FAS: variants seen among roughly 807,000 people sequenced by gnomAD.
FAS encodes the protein Fas cell surface death receptor.
A neutral mutation model predicts 33.2 loss-of-function variants in FAS; 5 were observed. That is an observed-to-expected ratio of 0.15 (90% CI 0.08 to 0.32). FAS has a LOEUF of 0.32. Among genes scored for constraint, FAS ranks in the 10% least tolerant of loss-of-function variants. FAS has a pLI of 1.00. For missense variants in FAS, 339 were observed against 386.0 expected (o/e 0.88, Z 1.02); for synonymous variants, 131 against 130.7 (o/e 1.00, Z -0.01).
rs371419220 is a variant in FAS at position 88,973,265 on chromosome 10, C to T, written n.178C>T. 1.0e-4 allele frequency: 163 copies of T among 1,612,446 alleles called. 1 individual carries two copies. The African/African-American group carries it at 2.0e-3, about 19-fold the overall frequency. On this transcript the variant is annotated non_coding_transcript_exon_variant, in exon 2 of 4. Transcript: ENST00000688239. ...AAATTGGCTATGGACCAAATGGATTCCCACTCTTGGGGATCTCTAGGTCAT... is the reference window on the plus strand; with the variant it reads ...AAATTGGCTATGGACCAAATGGATTTCCACTCTTGGGGATCTCTAGGTCAT...
chr10:88,980,365 G>A lies in FAS; in HGVS notation n.260+7018G>A, dbSNP rs141455874. Among the ~76,000 whole-genome samples the A allele has an allele frequency of 5.0e-3, 767 of 152,306 alleles. 6 individuals are homozygous for A. Among genetic ancestry groups the A allele is most frequent in the African/African-American group, 0.017 (727 of 41,560 alleles). On this transcript the variant is annotated intron_variant and non_coding_transcript_variant, in intron 2 of 3. Transcript: ENST00000688239. ...AGAGCACATTAGCAAGCATCAGGAC[G>A]CTGAACATAACCACAGTGGAGGTGA...
At chr10:89,004,986 GAC>G (rs1415134943) in intron 2 of FAS, among the ~76,000 whole-genome samples, 2 of 152,246 alleles carry the variant, frequency 1.3e-5, no homozygotes, top group African/African-American at 4.8e-5. Flanking sequence ...ACAGAGAAAA[GAC>G]AGATTTTATT....
intron 1 of FAS, among the ~76,000 whole-genome samples, chr10:88,966,565 A>C (rs1346326131): frequency 1.3e-5 from 2 of 152,218 alleles, no homozygotes; most frequent in African/African-American, 4.8e-5. Flanking sequence ...CTGTGAGGTA[A>C]TAAGCAGAAG....
intron 2 of FAS, chr10:88,974,573 A>G (rs1441355915): frequency 2.0e-5 from 3 of 152,130 alleles, no homozygotes; most frequent in African/African-American, 7.2e-5. Context: ...GCTGATCTTG[A>G]ACTCCTGGCC....
chr10:88,977,034 T>C (rs1037144070), intron 2 of FAS, among the ~76,000 whole-genome samples: 1 of 152,198 alleles, frequency 6.6e-6, no homozygotes, highest in Non-Finnish European at 1.5e-5. Flanking sequence ...TTTTCTGCTA[T>C]TTTGACATCT....
Position 89,015,046 on chromosome 10 carries a change from A to G in FAS, c.*596A>G, listed in dbSNP as rs1303093483. 1.9e-6 allele frequency: 1 copy of G among 534,254 alleles called. No individual in the cohort carries two copies. The highest frequency in any genetic ancestry group is 3.6e-6 in the Non-Finnish European group (1 of 276,284). 33.1% of individuals were successfully genotyped at this position (534,254 alleles called of 1,614,324 possible). On this transcript the variant is annotated 3_prime_UTR_variant, in exon 9 of 9. Transcript: ENST00000652046. The stretch of plus-strand genomic sequence containing the variant: ...GCACAGTTTATTGGTGTCATATTAT[A>G]CAATATTTCAATTGTGAATTCACAT...
upstream of FAS, among the ~76,000 whole-genome samples, chr10:88,988,740 T>C (rs1564667219): frequency 6.6e-6 from 1 of 152,216 alleles, no homozygotes; most frequent in Non-Finnish European, 1.5e-5. Flanking sequence ...TCATTAGGTG[T>C]TCATTCAATA....
At chr10:88,982,529 T>G (rs140778674), upstream of FAS, among the ~76,000 whole-genome samples, 5 of 152,048 alleles carry the variant, frequency 3.3e-5, no homozygotes, top group African/African-American at 7.2e-5. Flanking sequence ...AAGGCAGAGA[T>G]TCACTGAGGG....
At position 88,990,819 on chromosome 10, in the gene FAS, G is replaced by C; in HGVS notation, c.-58G>C. On this transcript the variant is annotated 5_prime_UTR_variant, in exon 1 of 9. Coordinates refer to ENST00000652046, the MANE Select transcript of FAS (RefSeq NM_000043.6). The surrounding 1 kb of genome is among the most constrained non-coding windows in gnomAD (Gnocchi z 4.9). ...CTGCCTCTTCTCCCGCGGGTTGGTG[G>C]ACCCGCTCAGTACGGAGTTGGGGAA... 6.2e-7 allele frequency: 1 copy of C among 1,612,878 alleles called. No homozygotes were observed. Among genetic ancestry groups the C allele is most frequent in the Non-Finnish European group, 8.5e-7 (1 of 1,178,928 alleles).
Position 89,003,177 on chromosome 10 carries a change from A to G in FAS, c.179A>G (p.His60Arg), listed in dbSNP as rs753767914. Residue 60 changes from histidine to arginine, a missense_variant, in exon 2 of 9, where the codon CAT (histidine) becomes CGT (arginine). By Grantham distance (29) the His-to-Arg change is conservative. Around this residue, in one of 3 missense-constraint regions of FAS, gnomAD observed 276 missense variants for 300.1 expected, o/e 0.92. Coordinates refer to ENST00000652046, the MANE Select transcript of FAS (RefSeq NM_000043.6). ...EGLHHDGQFCHKPCPPGERKA... is the reference protein window; with the variant it reads ...EGLHHDGQFCRKPCPPGERKA... ...CTGCATCATGATGGCCAATTCTGCC[A>G]TAAGCCCTGTCCTCCAGGTATGTTA... 8.7e-6 allele frequency: 14 copies of G among 1,614,136 alleles called. No individual in the cohort carries two copies. Among genetic ancestry groups the G allele is most frequent in the Non-Finnish European group, 1.1e-5 (13 of 1,179,984 alleles).
Position 88,990,917 on chromosome 10 carries a change from T to A in FAS, c.30+11T>A, listed in dbSNP as rs1564670130. The stretch of plus-strand genomic sequence containing the variant: ...ACCCTCCTACCTCTGGTGAGCCCTC[T>A]CCTGCCCGGGTGGAGGCTTACCCCG... On this transcript the variant is annotated intron_variant, in intron 1 of 8. Transcript: ENST00000652046. This position sits in a 1 kb window ranked among gnomAD's most constrained non-coding sequence, Gnocchi z 4.9. 6.2e-7 allele frequency: 1 copy of A among 1,614,054 alleles called. No homozygotes were observed. Among genetic ancestry groups the A allele is most frequent in the Non-Finnish European group, 8.5e-7 (1 of 1,180,020 alleles).
chr10:89,008,483 T>C (rs7910435), intron 3 of FAS, among the ~76,000 whole-genome samples: 62,065 of 152,046 alleles, frequency 0.41, 12,713 homozygotes, highest in East Asian at 0.5. Flanking sequence ...TTAGGTCCCA[T>C]CTCAGGGCAA....
chr10:88,989,565 CCTA>C, upstream of FAS: 1 of 541,834 alleles, frequency 1.8e-6, no homozygotes, highest in South Asian at 1.4e-5. Flanking sequence ...CCTATCAACA[CCTA>C]CAAGACTGGT....
chr10:88,966,297 G>A (rs1165477987), intron 1 of FAS, among the ~76,000 whole-genome samples: 1 of 152,166 alleles, frequency 6.6e-6, no homozygotes, highest in Non-Finnish European at 1.5e-5. Context: ...TGTCCTCAGA[G>A]AACAGAATGG....
intron 7 of FAS, chr10:89,012,919 G>T (rs1400800577): frequency 2.6e-5 from 4 of 153,412 alleles, no homozygotes; most frequent in African/African-American, 9.7e-5. Context: ...TGGGGCCAGG[G>T]CTCAGTGGGA....
At chr10:89,006,541 T>C (rs971198609) in intron 2 of FAS, among the ~76,000 whole-genome samples, 5 of 152,234 alleles carry the variant, frequency 3.3e-5, no homozygotes, top group African/African-American at 1.2e-4. Flanking sequence ...AAACTAGTTA[T>C]ACCATTAACA....
At chr10:89,006,838 A>C (rs1291943712) in intron 2 of FAS, among the ~76,000 whole-genome samples, 1 of 152,218 alleles carries the variant, frequency 6.6e-6, no homozygotes, top group African/African-American at 2.4e-5. Context: ...TTTTTAAGAG[A>C]ACACATTACA....
In FAS at chr10:89,016,805, T is replaced by G. The variant is rs1236411725; in HGVS notation, c.*2355T>G. 1 of 217,400 alleles carries G rather than the reference T, an allele frequency of 4.6e-6. No homozygotes were observed. The highest frequency in any genetic ancestry group is 2.2e-5 in the African/African-American group (1 of 44,466). The allele number at this position is 217,400 out of a possible 1,614,324, so 13.5% of individuals were successfully genotyped here. ...AGCTCACAGATCACATTGAAAGCAT[T>G]GCATATTCAAACATCTTGGTCTTCT... is the stretch of plus-strand genomic sequence containing the variant. On this transcript the variant is annotated 3_prime_UTR_variant, in exon 9 of 9. Transcript: ENST00000652046.
intron 8 of FAS, 150 bp from the exon 9 acceptor site, chr10:89,013,969 C>G (rs1848658064): frequency 1.4e-5 from 11 of 769,006 alleles, no homozygotes; most frequent in South Asian, 1.3e-4. Flanking sequence ...TCAAGGTTGT[C>G]TTGTTTCTGT....
Sources: gnomAD v4.1 joint callset for allele counts (sites outside exome capture counted in the v4.1 genomes callset) on GRCh38, gnomAD v4.1.1 for gene constraint, gnomAD v4.1.1 regional missense constraint, Gnocchi (gnomAD v3.1) non-coding constraint, MANE v1.5 for transcripts, NCBI Gene and HGNC (gene_info 2026-07-23, HGNC 2026-07-21) for gene names.